Variants in MROH9 observed in about 807,000 individuals in gnomAD.
The protein encoded by MROH9 is maestro heat like repeat family member 9.
In MROH9, 92 loss-of-function variants were observed where a neutral mutation model predicts 98.2. That is an observed-to-expected ratio of 0.94 (90% confidence interval 0.79 to 1.11). The LOEUF (loss-of-function observed/expected upper bound fraction) is 1.11. MROH9 is among the 50% of genes most tolerant of loss of function. MROH9 has a pLI of 0.00. For synonymous variants in MROH9, 397 were observed against 368.9 expected, an observed-to-expected ratio of 1.08 and a Z score of -0.87; for missense variants, 1,057 against 1,014.8, an observed-to-expected ratio of 1.04 and a Z score of -0.57.
At chr1:171,063,817 T>C (rs1654083939) in intron 21 of MROH9, among the ~76,000 whole-genome samples, 1 of 152,222 alleles carries the variant, frequency 6.6e-6, no homozygotes, top group African/African-American at 2.4e-5. Context: ...TGAATACATG[T>C]TTATGTTATC....
chr1:170,957,637 G>A (rs566695420), intron 3 of MROH9, among the ~76,000 whole-genome samples: 1 of 152,082 alleles, frequency 6.6e-6, no homozygotes, highest in Admixed American at 6.5e-5. Flanking sequence ...TTTGGCTATT[G>A]GAGGTCTAGT....
rs1053269607 is a variant in MROH9 at position 170,966,261 on chromosome 1, T to G, written c.480+1006T>G. ...TTTTGCATTTCGGATGGAGAACAAA[T>G]AGGTATGTCATAATCACCAGTATTT... On this transcript the variant is annotated intron_variant, in intron 7 of 21. Transcript: ENST00000367759. Among the ~76,000 whole-genome samples, 4 of 152,054 alleles carry G rather than the reference T, an allele frequency of 2.6e-5. No individual in the cohort carries two copies. In the East Asian group the frequency reaches 5.8e-4, roughly 22 times the overall value.
chr1:170,946,301 A>T (rs1219667871), intron 2 of MROH9, among the ~76,000 whole-genome samples: 1 of 152,022 alleles, frequency 6.6e-6, no homozygotes, highest in Non-Finnish European at 1.5e-5. Context: ...AATCAGATAA[A>T]TCCAAATAGA....
At chr1:170,962,923 A>C (rs1650073737) in intron 6 of MROH9, among the ~76,000 whole-genome samples, 2 of 152,030 alleles carry the variant, frequency 1.3e-5, no homozygotes, top group Non-Finnish European at 2.9e-5. Flanking sequence ...AACAGGCAAA[A>C]ATTTCGTGAA....
chr1:171,052,432 T>A (rs1204325140), intron 20 of MROH9, among the ~76,000 whole-genome samples: 1 of 152,162 alleles, frequency 6.6e-6, no homozygotes, highest in Non-Finnish European at 1.5e-5. Flanking sequence ...AAACCTCCAC[T>A]ACCCTAAGTT....
chr1:170,981,019 C>G (rs867437953), intron 8 of MROH9, among the ~76,000 whole-genome samples: 3 of 152,048 alleles, frequency 2.0e-5, no homozygotes, highest in Admixed American at 6.6e-5. Flanking sequence ...ATGAAAAAAC[C>G]TCAACATCAC....
intron 7 of MROH9, 92 bp downstream of exon 7, chr1:170,965,347 C>T (rs1650193181): frequency 2.4e-6 from 2 of 841,996 alleles, no homozygotes; most frequent in Non-Finnish European, 3.9e-6. Context: ...CAGTACTTGA[C>T]AGGTCCTTGG....
At chr1:171,046,997 T>A (rs751728283) in intron 20 of MROH9, among the ~76,000 whole-genome samples, 14 of 152,204 alleles carry the variant, frequency 9.2e-5, no homozygotes, top group Non-Finnish European at 2.1e-4. Flanking sequence ...CACTCTCTCA[T>A]GGCCTGTAAG....
chr1:171,058,868 G>T lies in MROH9; in HGVS notation c.2282-3264G>T, dbSNP rs569087927. ...CTCAACATGGCTTAAAGACTTAAAT[G>T]TAAACCCCAAACCACAAAAACCCTA... On this transcript the variant is annotated intron_variant, in intron 20 of 21. Coordinates refer to ENST00000367759, the MANE Select transcript of MROH9 (RefSeq NM_001163629.2). Among the ~76,000 whole-genome samples, 20 of 152,214 alleles carry T rather than the reference G, an allele frequency of 1.3e-4. No homozygotes were observed. In the East Asian group the frequency reaches 3.9e-3, roughly 29 times the overall value.
At chr1:171,024,305 T>G (rs1383045907) in intron 17 of MROH9, 90 bp from the exon 18 acceptor site, 42 of 608,160 alleles carry the variant, frequency 6.9e-5, no homozygotes, top group Non-Finnish European at 7.9e-5. Flanking sequence ...TTATATGGGG[T>G]GTGTGTGTGT....
intron 3 of MROH9, among the ~76,000 whole-genome samples, chr1:170,951,668 T>C (rs1424595284): frequency 1.3e-5 from 2 of 152,108 alleles, no homozygotes; most frequent in Non-Finnish European, 2.9e-5. Context: ...CTGAAGATTA[T>C]CAAGGTGCGT....
chr1:171,045,457 C>T (rs551576519), intron 20 of MROH9, among the ~76,000 whole-genome samples: 6 of 152,152 alleles, frequency 3.9e-5, no homozygotes, highest in Admixed American at 2.0e-4. Context: ...CTTAGTACCG[C>T]TTTTGCTGTA....
intron 8 of MROH9, among the ~76,000 whole-genome samples, chr1:170,975,521 A>G (rs745939319): frequency 6.6e-6 from 1 of 152,144 alleles, no homozygotes; most frequent in African/African-American, 2.4e-5. Context: ...CATGTTACCC[A>G]TTAGGTCCTT....
chr1:170,964,046 A>C (rs1650132474), intron 6 of MROH9, among the ~76,000 whole-genome samples: 1 of 152,060 alleles, frequency 6.6e-6, no homozygotes, highest in Non-Finnish European at 1.5e-5. Flanking sequence ...CCATGACACT[A>C]TCAATAGCTT....
chr1:170,945,961 C>T (rs2101870867), intron 2 of MROH9, among the ~76,000 whole-genome samples: 1 of 152,102 alleles, frequency 6.6e-6, no homozygotes, highest in Admixed American at 6.6e-5. Context: ...TACTACATAT[C>T]AAACCCTATA....
rs935266539 is a variant in MROH9, at chr1:170,989,840, G to A, written c.880-15G>A. ...AACAGGAGATTCTTGTTTACCTGTG[G>A]AATTTCTCTTCCAGGTGTCTAAGAT... On this transcript the variant is annotated splice_polypyrimidine_tract_variant and intron_variant, in intron 10 of 21. Coordinates refer to ENST00000367759, the MANE Select transcript of MROH9 (RefSeq NM_001163629.2). The A allele has an allele frequency of 6.3e-7, 1 of 1,584,504 alleles. No homozygotes were observed. The highest frequency in any genetic ancestry group is 1.3e-5 in the African/African-American group (1 of 74,322).
At chr1:170,946,615 A>G (rs922433069) in intron 2 of MROH9, among the ~76,000 whole-genome samples, 1 of 152,030 alleles carries the variant, frequency 6.6e-6, no homozygotes, top group East Asian at 1.9e-4. Flanking sequence ...TGAAGGATAC[A>G]TGATAATTTA....
chr1:170,995,504 T>C lies in MROH9; in HGVS notation c.1310T>C (p.Leu437Pro). 1 of 1,613,322 alleles carries C rather than the reference T, an allele frequency of 6.2e-7. No homozygotes were observed. Among genetic ancestry groups the C allele is most frequent in the Non-Finnish European group, 8.5e-7 (1 of 1,179,498 alleles). Residue 437 changes from leucine to proline, a missense_variant, in exon 13 of 22, where the codon CTG becomes CCG. By Grantham distance (98) the Leu-to-Pro change is moderately conservative. Transcript: ENST00000367759. The part of the protein sequence containing the change: ...LMFQVFYNSE[L>P]KPILKDRALY... ...TTCCAAGTCTTCTACAACAGTGAGC[T>C]GAAACCGATACTCAAGGACAGGGCT... is the stretch of plus-strand genomic sequence containing the variant.
intron 12 of MROH9, among the ~76,000 whole-genome samples, chr1:170,992,981 A>C (rs1383347447): frequency 6.6e-6 from 1 of 152,234 alleles, no homozygotes; most frequent in Non-Finnish European, 1.5e-5. Flanking sequence ...TTGCAGAGAC[A>C]GAGTAGTATA....
Sources: gnomAD v4.1 joint callset for allele counts (sites outside exome capture counted in the v4.1 genomes callset) on GRCh38, gnomAD v4.1.1 for gene constraint, MANE v1.5 for transcripts, NCBI Gene and HGNC (gene_info 2026-07-23, HGNC 2026-07-21) for gene names.